Variants in TIAM1 observed in about 807,000 individuals in gnomAD.
TIAM1 encodes rho guanine nucleotide exchange factor TIAM1.
TIAM1 carries 65 observed loss-of-function variants against 163.5 expected under a neutral mutation model. The ratio of observed to expected loss-of-function variants is 0.40; its 90% CI spans 0.33 to 0.49. The LOEUF (loss-of-function observed/expected upper bound fraction) is 0.49, where lower values mean the gene tolerates loss of function less well. Among genes scored for constraint, TIAM1 ranks in the 20% least tolerant of loss-of-function variants. The probability of loss-of-function intolerance (pLI) is 0.77; values close to 1 mark genes in which losing one functional copy is unlikely to be tolerated. For missense variants in TIAM1, 1,789 were observed against 2,044.7 expected, an observed-to-expected ratio of 0.87 and a Z score of 2.41; for synonymous variants, 833 against 810.1, an observed-to-expected ratio of 1.03 and a Z score of -0.48.
intron 2 of TIAM1, among the ~76,000 whole-genome samples, chr21:31,410,388 C>T (rs554649383): frequency 4.7e-5 from 7 of 150,032 alleles, no homozygotes; most frequent in African/African-American, 1.2e-4. Context: ...GTGTGTGTGA[C>T]GGTACGTAAA....
At chr21:31,397,927 T>C (rs1159531863) in intron 2 of TIAM1, among the ~76,000 whole-genome samples, 3 of 152,130 alleles carry the variant, frequency 2.0e-5, no homozygotes, top group African/African-American at 7.2e-5. Flanking sequence ...GTAGAATGGA[T>C]GAACCATGGA....
At chr21:31,265,879 C>G in intron 4 of TIAM1, 131 bp downstream of exon 4, 1 of 1,280,876 alleles carries the variant, frequency 7.8e-7, no homozygotes, top group Non-Finnish European at 1.1e-6. Flanking sequence ...AAAACAGCAC[C>G]AGCTGCAGCA....
rs201546931 is a variant in TIAM1 at position 31,365,383 on chromosome 21, C to CTTT, written c.-368-25964_-368-25962dup. ...GGCAGGGTCTGTGTCTCACTTATTTCTTTCTTTTTTTTTTTTTTTTTTTGA... is the reference window on the plus strand; with the variant it reads ...GGCAGGGTCTGTGTCTCACTTATTTCTTTTTTCTTTTTTTTTTTTTTTTTTTGA... On this transcript the variant is annotated intron_variant, in intron 2 of 28. Coordinates refer to the TIAM1 transcript ENST00000286827. Among the ~76,000 whole-genome samples, 652 of 138,274 alleles carry CTTT rather than the reference C, an allele frequency of 4.7e-3. 5 individuals are homozygous for CTTT. Among genetic ancestry groups the CTTT allele is most frequent in the African/African-American group, 0.016 (585 of 37,120 alleles). The allele number at this position is 138,274 out of a possible 152,430, so 90.7% of individuals were successfully genotyped here. A position where few individuals can be genotyped will look rare whatever the true frequency, so the allele number is the denominator to read the frequency against.
chr21:31,230,055 T>C (rs2088323978), intron 6 of TIAM1, among the ~76,000 whole-genome samples: 1 of 152,202 alleles, frequency 6.6e-6, no homozygotes, highest in African/African-American at 2.4e-5. Context: ...CACAAACACC[T>C]GGCAGGTGGA....
At chr21:31,348,988 ACT>A (rs1193195681), upstream of TIAM1, among the ~76,000 whole-genome samples, 1 of 152,158 alleles carries the variant, frequency 6.6e-6, no homozygotes, top group Non-Finnish European at 1.5e-5. Flanking sequence ...AGGCCAGGAA[ACT>A]CTAATAGCTT....
chr21:31,131,280 T>C (rs2082404865), intron 23 of TIAM1, among the ~76,000 whole-genome samples: 1 of 152,238 alleles, frequency 6.6e-6, no homozygotes, highest in Non-Finnish European at 1.5e-5. Flanking sequence ...ATGTACTAAT[T>C]CAGTAGATGG....
chr21:31,284,027 C>T (rs544172941), intron 2 of TIAM1, among the ~76,000 whole-genome samples: 37 of 152,194 alleles, frequency 2.4e-4, no homozygotes, highest in Non-Finnish European at 4.6e-4. Flanking sequence ...CATTTGATCC[C>T]CAAAGAAAAT....
chr21:31,170,797 G>GGA (rs1194932121), intron 15 of TIAM1, among the ~76,000 whole-genome samples: 2 of 152,098 alleles, frequency 1.3e-5, no homozygotes, highest in East Asian at 3.9e-4. Flanking sequence ...CAGCACTTTG[G>GGA]GAGGCAGAGG....
In TIAM1 at chr21:31,118,583, G is replaced by A. The variant is rs769420919; in HGVS notation, c.*1785C>T. Reference sequence around the variant, plus strand: ...CAAGAGACAATGGCACCCTCTCCAAGCACCAGACTTCCGAGTGTTTTCAGA... The same window carrying A: ...CAAGAGACAATGGCACCCTCTCCAAACACCAGACTTCCGAGTGTTTTCAGA... On this transcript the variant is annotated 3_prime_UTR_variant, in exon 28 of 28. Coordinates refer to ENST00000541036, the MANE Select transcript of TIAM1 (RefSeq NM_001353694.2). 1.5e-5 allele frequency: 7 copies of A among 471,586 alleles called. No individual in the cohort carries two copies. Among genetic ancestry groups the A allele is most frequent in the African/African-American group, 6.0e-5 (3 of 50,042 alleles). The allele number at this position is 471,586 out of a possible 1,614,324, so 29.2% of individuals were successfully genotyped here. A position where few individuals can be genotyped will look rare whatever the true frequency, so the allele number is the denominator to read the frequency against.
intron 2 of TIAM1, among the ~76,000 whole-genome samples, chr21:31,330,817 C>T (rs2075654881): frequency 6.6e-6 from 1 of 151,984 alleles, no homozygotes; most frequent in South Asian, 2.1e-4. Flanking sequence ...CAAGAAAGTC[C>T]CTCTTTCTAA....
intron 2 of TIAM1, among the ~76,000 whole-genome samples, chr21:31,423,623 G>A (rs1602242820): frequency 7.0e-6 from 1 of 142,094 alleles, no homozygotes; most frequent in East Asian, 2.1e-4. Context: ...TGTACCTCTA[G>A]GCCCTAGCCC....
At chr21:31,243,209 A>AATATATATATAT (rs1555902486) in intron 6 of TIAM1, among the ~76,000 whole-genome samples, 26 of 117,278 alleles carry the variant, frequency 2.2e-4, no homozygotes, top group Admixed American at 8.6e-4. Flanking sequence ...AAAAAAAAAA[A>AATATATATATAT]ATATATATAT....
chr21:31,298,323 T>C (rs2074368597), intron 2 of TIAM1, among the ~76,000 whole-genome samples: 2 of 152,234 alleles, frequency 1.3e-5, no homozygotes, highest in Admixed American at 1.3e-4. Flanking sequence ...TTTCACTTTA[T>C]TTAACCTAGT....
chr21:31,515,643 T>C (rs1041546180), intron 1 of TIAM1, among the ~76,000 whole-genome samples: 1 of 152,206 alleles, frequency 6.6e-6, no homozygotes, highest in African/African-American at 2.4e-5. Context: ...TACAGGCTGC[T>C]GAACCTCCAC....
intron 2 of TIAM1, among the ~76,000 whole-genome samples, chr21:31,337,937 G>T (rs1181116602): frequency 6.6e-6 from 1 of 152,054 alleles, no homozygotes; most frequent in Non-Finnish European, 1.5e-5. Flanking sequence ...CTTTGGCTCC[G>T]CTCTCTGTTG....
At chr21:31,455,988 T>A (rs7510175) in intron 2 of TIAM1, among the ~76,000 whole-genome samples, 1 of 152,032 alleles carries the variant, frequency 6.6e-6, no homozygotes, top group South Asian at 2.1e-4. Flanking sequence ...AGGGTGGCAA[T>A]GTGTCCGTGT....
intron 2 of TIAM1, among the ~76,000 whole-genome samples, chr21:31,411,451 T>C (rs1724014774): frequency 6.7e-6 from 1 of 148,424 alleles, no homozygotes; most frequent in Non-Finnish European, 1.5e-5. Context: ...AATGTATACA[T>C]GTGGCCATTT....
chr21:31,314,410 T>C (rs1266916742), intron 2 of TIAM1, among the ~76,000 whole-genome samples: 1 of 152,106 alleles, frequency 6.6e-6, no homozygotes, highest in Non-Finnish European at 1.5e-5. Flanking sequence ...ACCCTACCTA[T>C]GAAGAAGAAA....
At chr21:31,401,093 T>C (rs2077157024) in intron 2 of TIAM1, among the ~76,000 whole-genome samples, 1 of 151,954 alleles carries the variant, frequency 6.6e-6, no homozygotes, top group African/African-American at 2.4e-5. Context: ...AATAAATAAA[T>C]AAAGTGGAAT....
Sources: gnomAD v4.1 joint callset for allele counts (sites outside exome capture counted in the v4.1 genomes callset) on GRCh38, gnomAD v4.1.1 for gene constraint, MANE v1.5 for transcripts, NCBI Gene and HGNC (gene_info 2026-07-23, HGNC 2026-07-21) for gene names.